The following CHIA variants were observed in gnomAD, a reference collection of about 807,000 sequenced individuals.
The protein encoded by CHIA is chitinase acidic.
CHIA carries 47 observed loss-of-function variants against 53.5 expected under a neutral mutation model. The ratio of observed to expected loss-of-function variants is 0.88; its 90% CI spans 0.70 to 1.12. The LOEUF is 1.12. Among genes scored for constraint, CHIA ranks in the 50% most tolerant of loss-of-function variants. The probability of loss-of-function intolerance (pLI) is 0.00; values close to 1 mark genes in which losing one functional copy is unlikely to be tolerated. For missense variants in CHIA, 652 were observed against 592.2 expected, an observed-to-expected ratio of 1.10 and a Z score of -1.05; for synonymous variants, 268 against 222.2, an observed-to-expected ratio of 1.21 and a Z score of -1.83.
chr1:111,315,813 C>T, intron 6 of CHIA: 1 of 458,758 alleles, frequency 2.2e-6, no homozygotes, highest in Non-Finnish European at 4.4e-6. Flanking sequence ...ACTTCCTCTG[C>T]AGTTTGGCCA....
Position 111,312,499 on chromosome 1 carries a change from G to C in CHIA, c.257+108G>C, listed in dbSNP as rs1648771665. ...TCCATGGATCTGAGATGGGGACCAA[G>C]ACTCTGCATTTCATTTTTCTTTTAT... is the stretch of plus-strand genomic sequence containing the variant. On this transcript the variant is annotated intron_variant, in intron 4 of 11. Transcript: ENST00000369740. 1.2e-5 allele frequency: 10 copies of C among 852,862 alleles called. No homozygotes were observed. In the South Asian group the frequency reaches 1.6e-4, roughly 13 times the overall value. The allele number at this position is 852,862 out of a possible 1,614,324, so 52.8% of individuals were successfully genotyped here.
At chr1:111,300,479 T>G (rs1007491815) in intron 1 of CHIA, among the ~76,000 whole-genome samples, 1 of 152,186 alleles carries the variant, frequency 6.6e-6, no homozygotes, top group Middle Eastern at 3.4e-3. Context: ...CAAGAAATGG[T>G]GAAAGGATTC....
chr1:111,309,119 ATG>A (rs1295526112), intron 1 of CHIA, among the ~76,000 whole-genome samples: 5 of 152,228 alleles, frequency 3.3e-5, no homozygotes, highest in African/African-American at 1.2e-4. Flanking sequence ...GCAAACCACC[ATG>A]GCACATGTTT....
At chr1:111,305,478 C>T (rs1045577866) in intron 1 of CHIA, among the ~76,000 whole-genome samples, 1 of 152,196 alleles carries the variant, frequency 6.6e-6, no homozygotes, top group African/African-American at 2.4e-5. Context: ...CCCTGGCTCC[C>T]ACAAGCTCTG....
chr1:111,310,377 G>C, intron 1 of CHIA, 23 bp from the exon 2 acceptor site: 1 of 1,600,468 alleles, frequency 6.2e-7, no homozygotes, highest in Non-Finnish European at 8.5e-7. Context: ...ATACACATCT[G>C]GGTCAAATTG....
At chr1:111,291,835 G>C (rs957833032) in intron 1 of CHIA, among the ~76,000 whole-genome samples, 3 of 150,686 alleles carry the variant, frequency 2.0e-5, no homozygotes, top group South Asian at 2.1e-4. Context: ...CCTGTCGGGG[G>C]GGGGTGGGGG....
intron 1 of CHIA, among the ~76,000 whole-genome samples, chr1:111,292,065 TCA>T (rs1296742095): frequency 1.3e-5 from 2 of 152,342 alleles, no homozygotes; most frequent in South Asian, 2.1e-4. Context: ...GGTATTTAAT[TCA>T]CACACAATGT....
In CHIA at chr1:111,310,420, G is replaced by A. The variant is rs766546597; in HGVS notation, c.-48G>A. ...TTTAGAAGCCTTTGTGATAACCACA[G>A]AATCAGAACATATAAAAAGCTCTGC... On this transcript the variant is annotated 5_prime_UTR_variant, in exon 2 of 12. Coordinates refer to ENST00000369740, the MANE Select transcript of CHIA (RefSeq NM_201653.4). The A allele has an allele frequency of 3.9e-5, 62 of 1,596,996 alleles. 1 individual carries two copies. The South Asian group carries it at 6.6e-4, about 17-fold the overall frequency.
chr1:111,302,394 T>C (rs1647828967), intron 1 of CHIA, among the ~76,000 whole-genome samples: 1 of 152,174 alleles, frequency 6.6e-6, no homozygotes, highest in African/African-American at 2.4e-5. Context: ...TTTAGAGTTA[T>C]AAAGTTCTCA....
intron 6 of CHIA, chr1:111,316,435 A>G (rs1176828621): frequency 1.3e-5 from 2 of 152,474 alleles, no homozygotes; most frequent in Non-Finnish European, 2.9e-5. Context: ...TCTAACACTG[A>G]GGGAAGAAGA....
intron 6 of CHIA, chr1:111,316,447 G>T (rs1206810962): frequency 6.6e-6 from 1 of 152,284 alleles, no homozygotes; most frequent in Admixed American, 6.5e-5. Context: ...GGAAGAAGAG[G>T]ATGTATATAA....
chr1:111,317,917 G>A (rs1649296807), intron 7 of CHIA, 69 bp from the exon 8 acceptor site: 2 of 1,611,372 alleles, frequency 1.2e-6, no homozygotes, highest in Non-Finnish European at 1.7e-6. Flanking sequence ...TTTAGAAGTG[G>A]TGTCCTGTGC....
In CHIA at chr1:111,312,338, C is replaced by G; in HGVS notation, c.204C>G (p.Thr68=). ...GGAGGCAGAACAACGAGATCACCAC[C>G]ATCGAATGGAATGATGTGACTCTCT... ...FAGRQNNEIT[T]IEWNDVTLYQ... is the part of the protein sequence containing the mutation. The change falls in exon 4 of 12, where the codon ACC becomes ACG. Residue 68 remains threonine, a synonymous_variant. Coordinates refer to ENST00000369740, the MANE Select transcript of CHIA (RefSeq NM_201653.4). 1 of 1,614,160 alleles carries G rather than the reference C, an allele frequency of 6.2e-7. No individual in the cohort carries two copies. The highest frequency in any genetic ancestry group is 1.3e-5 in the African/African-American group (1 of 75,036).
At chr1:111,303,258 T>A (rs1647902957) in intron 1 of CHIA, among the ~76,000 whole-genome samples, 1 of 152,094 alleles carries the variant, frequency 6.6e-6, no homozygotes, top group South Asian at 2.1e-4. Flanking sequence ...TTAGAGTAAT[T>A]ACTGATAAAG....
Position 111,315,441 on chromosome 1 carries a change from G to T in CHIA, c.480+6G>T. On this transcript the variant is annotated splice_donor_region_variant and intron_variant, in intron 6 of 11. Transcript: ENST00000369740. The stretch of plus-strand genomic sequence containing the variant: ...TCTTCACTGTCCTGGTGCAGGTGGG[G>T]AAGGAAGTCCCAGTCTTTAGCCCAA... The T allele has an allele frequency of 1.2e-6, 2 of 1,610,894 alleles. No homozygotes were observed. Among genetic ancestry groups the T allele is most frequent in the African/African-American group, 1.3e-5 (1 of 74,916 alleles).
intron 6 of CHIA, 136 bp from the exon 7 acceptor site, chr1:111,317,545 G>C: frequency 1.1e-6 from 1 of 950,044 alleles, no homozygotes; most frequent in Non-Finnish European, 1.6e-6. Context: ...TTTGGTTGTT[G>C]AGAGACTAAA....
At chr1:111,293,926 A>C (rs745987118) in intron 1 of CHIA, among the ~76,000 whole-genome samples, 3 of 152,136 alleles carry the variant, frequency 2.0e-5, no homozygotes, top group Non-Finnish European at 4.4e-5. Flanking sequence ...TAAAAAATAC[A>C]AAAAAATTAG....
At chr1:111,316,079 T>C (rs1453668160) in intron 6 of CHIA, 2 of 287,802 alleles carry the variant, frequency 6.9e-6, no homozygotes, top group Non-Finnish European at 1.4e-5. Flanking sequence ...GATCAGAAAG[T>C]GTTTCCTAGA....
chr1:111,310,519 T>G, intron 2 of CHIA, 27 bp downstream of exon 2: 1 of 1,614,064 alleles, frequency 6.2e-7, no homozygotes, highest in Non-Finnish European at 8.5e-7. Flanking sequence ...AGATTGACCC[T>G]TCATCTTATC....
Sources: allele counts gnomAD v4.1 joint callset (sites outside exome capture counted in the v4.1 genomes callset), GRCh38; gene constraint gnomAD v4.1.1; transcripts MANE v1.5; gene names NCBI Gene and HGNC (gene_info 2026-07-23, HGNC 2026-07-21).